The following SMCO4 variants were observed in gnomAD, a reference collection of about 807,000 sequenced individuals.
The protein encoded by SMCO4 is single-pass membrane protein with coiled-coil domains 4.
In SMCO4, 4 loss-of-function variants were observed where a neutral mutation model predicts 3.6. The observed-to-expected ratio is 1.11, with a 90% CI of 0.54 to 2.53. The LOEUF is 2.53. SMCO4 is among the 30% of genes most tolerant of loss of function. The probability of loss-of-function intolerance (pLI) is 0.02; values close to 1 mark genes in which losing one functional copy is unlikely to be tolerated. For missense variants in SMCO4, 70 were observed against 80.8 expected, an observed-to-expected ratio of 0.87 and a Z score of 0.51; for synonymous variants, 36 against 35.3, an observed-to-expected ratio of 1.02 and a Z score of -0.07.
intron 1 of SMCO4, among the ~76,000 whole-genome samples, chr11:93,532,594 C>A (rs1175454719): frequency 6.6e-6 from 1 of 152,220 alleles, no homozygotes; most frequent in East Asian, 1.9e-4. Context: ...TCTCATCTAT[C>A]TGTCTATGTC....
chr11:93,501,315 A>G (rs1406002744), intron 1 of SMCO4, among the ~76,000 whole-genome samples: 1 of 152,244 alleles, frequency 6.6e-6, no homozygotes, highest in Non-Finnish European at 1.5e-5. Context: ...AGACTAGTAT[A>G]TGAGTTTCCT....
chr11:93,544,383 G>C (rs947443210), upstream of SMCO4, among the ~76,000 whole-genome samples: 2 of 152,136 alleles, frequency 1.3e-5, no homozygotes, highest in African/African-American at 2.4e-5. Flanking sequence ...GCCAGCCCGG[G>C]GAGCAAGGCC....
chr11:93,518,802 T>G (rs976338506), intron 1 of SMCO4, among the ~76,000 whole-genome samples: 5 of 152,154 alleles, frequency 3.3e-5, no homozygotes, highest in African/African-American at 4.8e-5. Flanking sequence ...AGGGCTCCAG[T>G]AGGAGCCATG....
intron 2 of SMCO4, among the ~76,000 whole-genome samples, chr11:93,496,886 T>C (rs1255170842): frequency 6.6e-6 from 1 of 152,140 alleles, no homozygotes; most frequent in East Asian, 1.9e-4. Flanking sequence ...TAAAAGGGTG[T>C]TGGTATCTGG....
intron 1 of SMCO4, among the ~76,000 whole-genome samples, chr11:93,536,782 T>C (rs1485432296): frequency 6.6e-6 from 1 of 152,150 alleles, no homozygotes; most frequent in Non-Finnish European, 1.5e-5. Flanking sequence ...ACCTATATGA[T>C]TTCAGAAAAA....
At chr11:93,535,540 C>A in intron 1 of SMCO4, 1 of 1,423,778 alleles carries the variant, frequency 7.0e-7, no homozygotes, top group Non-Finnish European at 9.9e-7. Flanking sequence ...GGACATCAGG[C>A]AGCATCATAT....
chr11:93,542,835 G>A lies in SMCO4; in HGVS notation c.-154+441C>T, dbSNP rs117242370. On this transcript the variant is annotated intron_variant, in intron 1 of 2. Transcript: ENST00000298966. ...GAGACCCTGAGCGCACCCCTTTCTC[G>A]GCGTCCTCAAAGGACCCGCGTTTCC... 8.9e-4 allele frequency among the ~76,000 whole-genome samples: 135 copies of A among 151,734 alleles called. 3 individuals carry two copies. In the East Asian group the frequency reaches 0.025, roughly 28 times the overall value.
chr11:93,484,772 T>C (rs935432982), intron 2 of SMCO4, among the ~76,000 whole-genome samples: 4 of 152,028 alleles, frequency 2.6e-5, no homozygotes, highest in African/African-American at 7.2e-5. Context: ...CAATTAGCTG[T>C]TGGGCAGGTT....
chr11:93,540,633 C>G (rs1432197116), intron 1 of SMCO4, among the ~76,000 whole-genome samples: 2 of 152,204 alleles, frequency 1.3e-5, no homozygotes, highest in Admixed American at 6.5e-5. Context: ...GTAACTTATG[C>G]ACGACAGCTG....
intron 1 of SMCO4, among the ~76,000 whole-genome samples, chr11:93,513,054 C>T (rs577629664): frequency 6.6e-6 from 1 of 152,266 alleles, no homozygotes; most frequent in South Asian, 2.1e-4. Flanking sequence ...TTATACTATC[C>T]TAAGAGCATG....
chr11:93,505,885 T>C (rs571456208), intron 1 of SMCO4, among the ~76,000 whole-genome samples: 1 of 151,942 alleles, frequency 6.6e-6, no homozygotes, highest in Non-Finnish European at 1.5e-5. Context: ...ATGATGATGA[T>C]GATGATGATG....
chr11:93,488,511 A>C (rs924296199), intron 2 of SMCO4, among the ~76,000 whole-genome samples: 1 of 152,188 alleles, frequency 6.6e-6, no homozygotes, highest in Non-Finnish European at 1.5e-5. Context: ...TACACTTTGA[A>C]GGCAGAGGCA....
chr11:93,528,484 G>A (rs1401339077), intron 1 of SMCO4, among the ~76,000 whole-genome samples: 1 of 152,224 alleles, frequency 6.6e-6, no homozygotes, highest in Non-Finnish European at 1.5e-5. Context: ...CAAGAACTCT[G>A]GGGGTCTGGC....
At chr11:93,537,355 C>A (rs1177325544) in intron 1 of SMCO4, among the ~76,000 whole-genome samples, 1 of 152,184 alleles carries the variant, frequency 6.6e-6, no homozygotes, top group Non-Finnish European at 1.5e-5. Context: ...TTCACACTCA[C>A]TACTGAAATC....
chr11:93,494,208 G>A (rs1216884384), intron 2 of SMCO4, among the ~76,000 whole-genome samples: 1 of 152,190 alleles, frequency 6.6e-6, no homozygotes, highest in Non-Finnish European at 1.5e-5. Context: ...AATCACCAGA[G>A]AAGCAAATGT....
At chr11:93,488,047 A>C (rs1465765975) in intron 2 of SMCO4, among the ~76,000 whole-genome samples, 3 of 152,232 alleles carry the variant, frequency 2.0e-5, no homozygotes, top group Non-Finnish European at 4.4e-5. Context: ...ACAACTAACA[A>C]ATGGATAGAG....
chr11:93,535,396 G>C, intron 1 of SMCO4: 1 of 878,886 alleles, frequency 1.1e-6, no homozygotes, highest in Non-Finnish European at 1.8e-6. Flanking sequence ...TCAGCAATAA[G>C]AATCAAGAAG....
At chr11:93,485,753 G>A (rs1470271549) in intron 2 of SMCO4, among the ~76,000 whole-genome samples, 2 of 152,132 alleles carry the variant, frequency 1.3e-5, no homozygotes, top group South Asian at 2.1e-4. Flanking sequence ...TTCATCTTAG[G>A]CAACTAACCA....
chr11:93,535,667 T>C, intron 1 of SMCO4: 1 of 1,609,992 alleles, frequency 6.2e-7, no homozygotes, highest in Non-Finnish European at 8.5e-7. Flanking sequence ...AAAAAGAAGA[T>C]CAGCACAGTG....
Sources: allele counts gnomAD v4.1 joint callset (sites outside exome capture counted in the v4.1 genomes callset), GRCh38; gene constraint gnomAD v4.1.1; transcripts MANE v1.5; gene names NCBI Gene and HGNC (gene_info 2026-07-23, HGNC 2026-07-21).